BMPR1B: variants seen among roughly 807,000 people sequenced by gnomAD.
BMPR1B encodes bone morphogenetic protein receptor type 1B.
In BMPR1B, 12 loss-of-function variants were observed where a neutral mutation model predicts 59.1. The ratio of observed to expected loss-of-function variants is 0.20; its 90% CI spans 0.13 to 0.33. The LOEUF (loss-of-function observed/expected upper bound fraction) is 0.33, where lower values mean the gene tolerates loss of function less well. BMPR1B is among the 10% of genes least tolerant of loss of function. BMPR1B has a pLI of 1.00. For synonymous variants in BMPR1B, 237 were observed against 207.3 expected, an observed-to-expected ratio of 1.14 and a Z score of -1.23; for missense variants, 550 against 610.9, an observed-to-expected ratio of 0.90 and a Z score of 1.05.
chr4:95,063,269 G>A (rs1727541823), intron 3 of BMPR1B, among the ~76,000 whole-genome samples: 1 of 152,130 alleles, frequency 6.6e-6, no homozygotes, highest in African/African-American at 2.4e-5. Context: ...ACAAATATCA[G>A]CATTCATTTT....
chr4:94,986,389 C>T (rs1047100391), intron 2 of BMPR1B, among the ~76,000 whole-genome samples: 2 of 152,180 alleles, frequency 1.3e-5, no homozygotes, highest in African/African-American at 4.8e-5. Context: ...TTTTCACCCA[C>T]TTTAAAGTAA....
intron 4 of BMPR1B, among the ~76,000 whole-genome samples, chr4:95,113,877 G>A (rs1483207157): frequency 6.6e-6 from 1 of 152,064 alleles, no homozygotes; most frequent in Non-Finnish European, 1.5e-5. Context: ...CTGTAAGATA[G>A]GAATAATAAT....
intron 6 of BMPR1B, among the ~76,000 whole-genome samples, chr4:95,121,024 T>A (rs997329614): frequency 6.6e-6 from 1 of 152,072 alleles, no homozygotes; most frequent in African/African-American, 2.4e-5. Context: ...GCCAGGCTGG[T>A]CTTGAACTCC....
At chr4:95,110,042 A>G (rs948150940) in intron 4 of BMPR1B, among the ~76,000 whole-genome samples, 7 of 151,864 alleles carry the variant, frequency 4.6e-5, no homozygotes, top group African/African-American at 1.5e-4. Flanking sequence ...TTAGTCATCA[A>G]TGAGAATTTT....
At chr4:95,134,479 C>T (rs893728530) in intron 10 of BMPR1B, among the ~76,000 whole-genome samples, 6 of 152,320 alleles carry the variant, frequency 3.9e-5, no homozygotes, top group Admixed American at 6.5e-5. Context: ...TTTACAGCCC[C>T]ACAAACAGTG....
intron 1 of BMPR1B, among the ~76,000 whole-genome samples, chr4:94,779,072 T>C (rs1034316864): frequency 1.3e-5 from 2 of 152,182 alleles, no homozygotes; most frequent in African/African-American, 4.8e-5. Context: ...ATAATTTTTG[T>C]GCCTTGTTTA....
chr4:94,986,249 T>G (rs1415871931), intron 2 of BMPR1B, among the ~76,000 whole-genome samples: 1 of 152,218 alleles, frequency 6.6e-6, no homozygotes, highest in Non-Finnish European at 1.5e-5. Context: ...TCTTATGTTT[T>G]CTACTTTTAC....
chr4:95,023,548 A>AT (rs33940639), intron 3 of BMPR1B, among the ~76,000 whole-genome samples: 20 of 149,346 alleles, frequency 1.3e-4, no homozygotes, highest in East Asian at 6.0e-4. Flanking sequence ...TGCCTGGCTA[A>AT]TTTTTTTTTT....
At chr4:94,987,553 C>T (rs941776451) in intron 2 of BMPR1B, among the ~76,000 whole-genome samples, 10 of 152,004 alleles carry the variant, frequency 6.6e-5, no homozygotes, top group African/African-American at 2.4e-4. Flanking sequence ...TGCTGAGTCC[C>T]TCCTTCCTGG....
chr4:95,065,091 A>G (rs1274146052), intron 3 of BMPR1B, among the ~76,000 whole-genome samples: 3 of 152,220 alleles, frequency 2.0e-5, no homozygotes, highest in Non-Finnish European at 2.9e-5. Context: ...TAGCAGCGTT[A>G]TAGGTAATAT....
At chr4:94,831,636 A>G (rs1724594286) in intron 1 of BMPR1B, among the ~76,000 whole-genome samples, 2 of 152,082 alleles carry the variant, frequency 1.3e-5, no homozygotes, top group African/African-American at 4.8e-5. Flanking sequence ...TTGTATGTTT[A>G]GATATGTTAA....
At chr4:95,135,436 T>A (rs1733700213) in intron 10 of BMPR1B, among the ~76,000 whole-genome samples, 1 of 152,140 alleles carries the variant, frequency 6.6e-6, no homozygotes, top group African/African-American at 2.4e-5. Flanking sequence ...GCATTGAATC[T>A]ATAAATTACC....
intron 3 of BMPR1B, among the ~76,000 whole-genome samples, chr4:95,028,736 A>G (rs17022888): frequency 0.012 from 1,895 of 152,240 alleles, 31 homozygotes; most frequent in African/African-American, 0.044. Flanking sequence ...CTCTAAAATT[A>G]TGTGTTTCCA....
At position 94,902,087 on chromosome 4, in the gene BMPR1B, G is replaced by GTGTGT. The variant is rs1491111955; in HGVS notation, c.-113+26187_-113+26188insTGTGT. Among the ~76,000 whole-genome samples, 15 of 128,570 alleles carry GTGTGT rather than the reference G, an allele frequency of 1.2e-4. 1 individual carries two copies. Among genetic ancestry groups the GTGTGT allele is most frequent in the African/African-American group, 3.2e-4 (10 of 31,326 alleles). 84.3% of individuals were successfully genotyped at this position (128,570 alleles called of 152,430 possible). ...TGTGTGTGTGTGTGTGTGTGTGTGT[G>GTGTGT]GGGTGTATTTAAAGGAAACAACTTG... is the stretch of plus-strand genomic sequence containing the variant. On this transcript the variant is annotated intron_variant, in intron 2 of 12. Transcript: ENST00000515059.
At chr4:95,069,831 G>C (rs1420163689) in intron 3 of BMPR1B, among the ~76,000 whole-genome samples, 2 of 152,182 alleles carry the variant, frequency 1.3e-5, no homozygotes, top group African/African-American at 4.8e-5. Flanking sequence ...CAGGCGTGAT[G>C]GCTCACGCCT....
chr4:95,131,317 C>A lies in BMPR1B; in HGVS notation c.881C>A (p.Thr294Asn). The change falls in exon 10 of 13, where the codon ACC becomes AAC. Residue 294 changes from threonine (T) to asparagine (N), a missense_variant. By Grantham distance (65) the Thr-to-Asn change is moderately conservative. Coordinates refer to ENST00000515059, the MANE Select transcript of BMPR1B (RefSeq NM_001203.3). ...NGSLYDYLKSTTLDAKSMLKL... is the reference protein window; with the variant it reads ...NGSLYDYLKSNTLDAKSMLKL... ...TCCCTTTATGATTATCTGAAGTCCA[C>A]CACCCTAGACGCTAAATCAATGCTG... The A allele has an allele frequency of 6.2e-7, 1 of 1,613,922 alleles. No individual in the cohort carries two copies. The highest frequency in any genetic ancestry group is 8.5e-7 in the Non-Finnish European group (1 of 1,179,982).
At chr4:95,050,351 A>T (rs1330234540) in intron 3 of BMPR1B, among the ~76,000 whole-genome samples, 1 of 152,230 alleles carries the variant, frequency 6.6e-6, no homozygotes, top group Non-Finnish European at 1.5e-5. Flanking sequence ...TAGTAAACTT[A>T]GAGTAGTTTA....
rs1724950035 is a variant in BMPR1B, at chr4:94,839,323, TTC to T, written c.-182-36506_-182-36505del. 1.4e-5 allele frequency among the ~76,000 whole-genome samples: 2 copies of T among 142,180 alleles called. 1 individual carries two copies. Among genetic ancestry groups the T allele is most frequent in the Non-Finnish European group, 3.1e-5 (2 of 64,366 alleles). The allele number at this position is 142,180 out of a possible 152,430, so 93.3% of individuals were successfully genotyped here. On this transcript the variant is annotated intron_variant, in intron 1 of 12. Coordinates refer to ENST00000515059, the MANE Select transcript of BMPR1B (RefSeq NM_001203.3). Reference sequence around the variant, plus strand: ...CAATTCCTGGGTATCCTTGTTGACTTTCTGTCTCGTTGATCTGTCTAATGTTG... The same window carrying T: ...CAATTCCTGGGTATCCTTGTTGACTTTGTCTCGTTGATCTGTCTAATGTTG...
intron 3 of BMPR1B, among the ~76,000 whole-genome samples, chr4:95,039,211 C>T (rs373492571): frequency 5.3e-5 from 8 of 152,140 alleles, no homozygotes; most frequent in South Asian, 2.1e-4. Context: ...TAAAGTTCGT[C>T]CTCTTTACCT....
Sources: allele counts gnomAD v4.1 joint callset (sites outside exome capture counted in the v4.1 genomes callset), GRCh38; gene constraint gnomAD v4.1.1; transcripts MANE v1.5; gene names NCBI Gene and HGNC (gene_info 2026-07-23, HGNC 2026-07-21).